Variants in PTPN13 observed in about 807,000 individuals in gnomAD.
PTPN13 encodes tyrosine-protein phosphatase non-receptor type 13.
Under a neutral mutation model 284.0 loss-of-function variants are expected in PTPN13, and 191 were observed. That is an observed-to-expected ratio of 0.67 (90% CI 0.60 to 0.76). PTPN13 has a LOEUF of 0.76. PTPN13 is among the 30% of genes least tolerant of loss of function. The pLI, the probability that PTPN13 is intolerant of heterozygous loss-of-function variation, is 0.00. For missense variants in PTPN13, 2,797 were observed against 2,939.9 expected, an observed-to-expected ratio of 0.95 and a Z score of 1.12; for synonymous variants, 986 against 1,022.3, an observed-to-expected ratio of 0.96 and a Z score of 0.68.
chr4:86,786,594 T>TCGC (rs1164120407), intron 40 of PTPN13, among the ~76,000 whole-genome samples: 1 of 152,176 alleles, frequency 6.6e-6, no homozygotes, highest in Non-Finnish European at 1.5e-5. Context: ...AATGTGGCAT[T>TCGC]CGCTAGTGGT....
intron 31 of PTPN13, among the ~76,000 whole-genome samples, chr4:86,772,280 G>A (rs909708469): frequency 2.0e-5 from 3 of 152,134 alleles, no homozygotes; most frequent in Admixed American, 6.5e-5. Flanking sequence ...CTAGGCCGGC[G>A]CGATGGCTCA....
chr4:86,710,738 G>T lies in PTPN13; in HGVS notation c.1196-5792G>T, dbSNP rs139621581. On this transcript the variant is annotated intron_variant, in intron 7 of 47. Transcript: ENST00000411767. ...ATGGCATCAATATAATAGAGTCACT[G>T]TGAATTTTGTTCAGAGGATAAGATT... 5.0e-3 allele frequency among the ~76,000 whole-genome samples: 758 copies of T among 152,218 alleles called. 4 individuals carry two copies. The highest frequency in any genetic ancestry group is 0.017 in the African/African-American group (708 of 41,548).
intron 20 of PTPN13, among the ~76,000 whole-genome samples, chr4:86,754,152 T>C (rs1007151717): frequency 2.6e-5 from 4 of 152,212 alleles, no homozygotes; most frequent in Non-Finnish European, 5.9e-5. Context: ...TCTTAAATAC[T>C]CATAGCAAAT....
Position 86,735,730 on chromosome 4 carries a change from A to G in PTPN13, c.2288A>G (p.Glu763Gly). ...TYVGASEKET[E>G]LEFLKVCQRL... is the part of the protein sequence containing the mutation. ...GTGGGAGCTTCTGAAAAAGAGACAGAGTTAGAATTTTTAAAGGTAAGCATC... is the reference window on the plus strand; with the variant it reads ...GTGGGAGCTTCTGAAAAAGAGACAGGGTTAGAATTTTTAAAGGTAAGCATC... Residue 763 changes from glutamate to glycine, a missense_variant, in exon 15 of 48, where the codon GAG (glutamate) becomes GGG (glycine). Transcript: ENST00000411767. 1 of 1,609,218 alleles carries G rather than the reference A, an allele frequency of 6.2e-7. No individual in the cohort carries two copies. The highest frequency in any genetic ancestry group is 8.5e-7 in the Non-Finnish European group (1 of 1,178,676).
At chr4:86,659,214 T>G (rs1280740526) in intron 2 of PTPN13, among the ~76,000 whole-genome samples, 2 of 152,120 alleles carry the variant, frequency 1.3e-5, no homozygotes, top group African/African-American at 4.8e-5. Flanking sequence ...TGTATTTTAT[T>G]TAATCCAATA....
intron 5 of PTPN13, chr4:86,690,418 T>C (rs1188760814): frequency 6.6e-6 from 1 of 152,180 alleles, no homozygotes; most frequent in African/African-American, 2.4e-5. Flanking sequence ...GTATTTTCAC[T>C]GGAGAACTTC....
At chr4:86,708,922 C>T (rs1732065233) in intron 7 of PTPN13, among the ~76,000 whole-genome samples, 2 of 151,768 alleles carry the variant, frequency 1.3e-5, no homozygotes, top group Non-Finnish European at 2.9e-5. Flanking sequence ...CATTCTCTCC[C>T]TTTCTCCCTG....
chr4:86,800,883 G>A (rs555954866), intron 42 of PTPN13, among the ~76,000 whole-genome samples: 3 of 152,300 alleles, frequency 2.0e-5, no homozygotes, highest in African/African-American at 7.2e-5. Context: ...TTCTGTAAAA[G>A]TTATTTCATA....
intron 30 of PTPN13, among the ~76,000 whole-genome samples, chr4:86,770,611 A>C (rs1739875750): frequency 6.6e-6 from 1 of 152,186 alleles, no homozygotes. Flanking sequence ...AGATAGGAAA[A>C]AGTGAATGAA....
intron 10 of PTPN13, among the ~76,000 whole-genome samples, chr4:86,727,432 C>T (rs1734409179): frequency 6.7e-6 from 1 of 149,504 alleles, no homozygotes; most frequent in South Asian, 2.1e-4. Flanking sequence ...GGCTGTCAGT[C>T]TCTCTGGTCT....
At chr4:86,628,545 A>C in intron 1 of PTPN13, among the ~76,000 whole-genome samples, 1 of 137,752 alleles carries the variant, frequency 7.3e-6, no homozygotes, top group East Asian at 2.1e-4. Context: ...GTACATGTGC[A>C]CATTGTGCAG....
intron 35 of PTPN13, among the ~76,000 whole-genome samples, chr4:86,778,277 A>G (rs565624710): frequency 1.3e-4 from 20 of 152,328 alleles, no homozygotes; most frequent in African/African-American, 4.8e-4. Context: ...ATTTTACTGT[A>G]CTTGCAAGCT....
intron 2 of PTPN13, among the ~76,000 whole-genome samples, chr4:86,660,631 T>C (rs1726378496): frequency 6.6e-6 from 1 of 152,164 alleles, no homozygotes; most frequent in African/African-American, 2.4e-5. Context: ...AATTAACATG[T>C]CCTTAAGTTA....
At chr4:86,672,266 T>C in intron 2 of PTPN13, 99 bp from the exon 3 acceptor site, 1 of 956,806 alleles carries the variant, frequency 1.0e-6, no homozygotes, top group South Asian at 1.9e-5. Flanking sequence ...ACAAATAGGC[T>C]GCATTATCCA....
At chr4:86,670,266 T>C (rs907075203) in intron 2 of PTPN13, among the ~76,000 whole-genome samples, 1 of 144,664 alleles carries the variant, frequency 6.9e-6, no homozygotes, top group Non-Finnish European at 1.5e-5. Flanking sequence ...GCAGTTGTGA[T>C]CTTTATCCCA....
Position 86,705,618 on chromosome 4 carries a change from G to C in PTPN13, c.1195+3817G>C, listed in dbSNP as rs187975022. 2.0e-5 allele frequency among the ~76,000 whole-genome samples: 3 copies of C among 151,956 alleles called. No individual in the cohort carries two copies. In the East Asian group the frequency reaches 5.8e-4, roughly 29 times the overall value. ...TACAATTTTTGTGATCTTTAAATTT[G>C]GCAGCTGCTAATGGGTTTCAGTAAT... On this transcript the variant is annotated intron_variant, in intron 7 of 47. Coordinates refer to ENST00000411767, the MANE Select transcript of PTPN13 (RefSeq NM_080683.3).
intron 47 of PTPN13, among the ~76,000 whole-genome samples, chr4:86,813,680 G>A (rs1172833318): frequency 1.3e-5 from 2 of 152,078 alleles, no homozygotes; most frequent in African/African-American, 4.8e-5. Context: ...ACCTGCCTCG[G>A]CCTCTGAGAT....
intron 1 of PTPN13, among the ~76,000 whole-genome samples, chr4:86,610,586 T>A (rs2149193670): frequency 6.6e-6 from 1 of 152,266 alleles, no homozygotes; most frequent in South Asian, 2.1e-4. Flanking sequence ...AGTGGGAAGC[T>A]ACTATCCACC....
chr4:86,698,673 C>A (rs558871162), intron 6 of PTPN13, among the ~76,000 whole-genome samples: 1 of 152,212 alleles, frequency 6.6e-6, no homozygotes, highest in South Asian at 2.1e-4. Flanking sequence ...TCATCATAAC[C>A]AGCTTTTACT....
Sources: gnomAD v4.1 joint callset for allele counts (sites outside exome capture counted in the v4.1 genomes callset) on GRCh38, gnomAD v4.1.1 for gene constraint, MANE v1.5 for transcripts, NCBI Gene and HGNC (gene_info 2026-07-23, HGNC 2026-07-21) for gene names.